The following CCT3 variants were observed in gnomAD, a reference collection of about 807,000 sequenced individuals.
CCT3 encodes the protein T-complex protein 1 subunit gamma.
CCT3 carries 10 observed loss-of-function variants against 65.3 expected under a neutral mutation model. The ratio of observed to expected loss-of-function variants is 0.15; its 90% CI spans 0.09 to 0.26. CCT3 has a LOEUF of 0.26. CCT3 is among the 10% of genes least tolerant of loss of function. The pLI, the probability that CCT3 is intolerant of heterozygous loss-of-function variation, is 1.00. For missense variants in CCT3, 626 were observed against 708.7 expected (o/e 0.88, Z 1.33); for synonymous variants, 225 against 242.3 (o/e 0.93, Z 0.66).
chr1:156,319,912 T>C (rs1270081496), intron 7 of CCT3, among the ~76,000 whole-genome samples: 1 of 152,156 alleles, frequency 6.6e-6, no homozygotes, highest in East Asian at 1.9e-4. Context: ...TTGTTAAGCT[T>C]ATATCCTGAC....
intron 10 of CCT3, among the ~76,000 whole-genome samples, chr1:156,314,249 G>C (rs1664213272): frequency 6.6e-6 from 1 of 152,080 alleles, no homozygotes; most frequent in Non-Finnish European, 1.5e-5. Context: ...GGAGCAAACT[G>C]TGTCCAGATG....
chr1:156,338,061 C>G, intron 1 of CCT3, 93 bp downstream of exon 1: 1 of 1,373,528 alleles, frequency 7.3e-7, no homozygotes, highest in South Asian at 1.2e-5. Flanking sequence ...CTCAGTGGCC[C>G]GGTCAGTGGG....
chr1:156,312,175 C>T lies in CCT3; in HGVS notation c.1021G>A (p.Asp341Asn). 1 of 1,614,114 alleles carries T rather than the reference C, an allele frequency of 6.2e-7. No individual in the cohort carries two copies. The highest frequency in any genetic ancestry group is 8.5e-7 in the Non-Finnish European group (1 of 1,180,000). The change falls in exon 11 of 14, where the codon GAT becomes AAT. Residue 341 changes from aspartate to asparagine, a missense_variant. Transcript: ENST00000295688. ...IVSRPEELREDDVGTGAGLLE... is the reference protein window; with the variant it reads ...IVSRPEELRENDVGTGAGLLE... ...AGGCCTGCTCCTGTTCCAACATCATCTTCTCTCAGTTCCTCTGGTCGGCTG... is the reference window on the plus strand; with the variant it reads ...AGGCCTGCTCCTGTTCCAACATCATTTTCTCTCAGTTCCTCTGGTCGGCTG...
At chr1:156,315,831 A>G (rs1184205717) in intron 10 of CCT3, among the ~76,000 whole-genome samples, 1 of 152,212 alleles carries the variant, frequency 6.6e-6, no homozygotes, top group Non-Finnish European at 1.5e-5. Flanking sequence ...GTTCTCATGC[A>G]TATCTAACAT....
chr1:156,337,319 G>C (rs1043219948), intron 1 of CCT3: 1 of 273,734 alleles, frequency 3.7e-6, no homozygotes, highest in South Asian at 2.8e-5. Context: ...AAGGCAGGAG[G>C]ATCGCTTGAA....
At chr1:156,323,143 C>T (rs1402848760) in intron 6 of CCT3, among the ~76,000 whole-genome samples, 2 of 152,018 alleles carry the variant, frequency 1.3e-5, no homozygotes, top group African/African-American at 4.8e-5. Context: ...CCTGTCTCTA[C>T]TAAAAATACA....
At chr1:156,324,915 C>G in intron 6 of CCT3, 57 bp downstream of exon 6, 1 of 1,179,550 alleles carries the variant, frequency 8.5e-7, no homozygotes, top group Non-Finnish European at 1.3e-6. Context: ...CCATGAGCCA[C>G]CACGTCTAGC....
intron 10 of CCT3, among the ~76,000 whole-genome samples, chr1:156,312,543 C>T (rs1440848402): frequency 6.6e-6 from 1 of 151,982 alleles, no homozygotes; most frequent in Non-Finnish European, 1.5e-5. Flanking sequence ...CCTGTAGCTC[C>T]AGCTACTCAG....
At chr1:156,337,177 G>A (rs1432752061) in intron 1 of CCT3, 3 of 722,136 alleles carry the variant, frequency 4.2e-6, no homozygotes, top group Non-Finnish European at 6.1e-6. Context: ...GGCCGAGGTG[G>A]GCGGATCACC....
At chr1:156,321,266 A>T (rs1570922722) in intron 6 of CCT3, among the ~76,000 whole-genome samples, 1 of 152,340 alleles carries the variant, frequency 6.6e-6, no homozygotes, top group Middle Eastern at 3.4e-3. Context: ...TTACACTTAC[A>T]TACAAAGATT....
chr1:156,314,683 C>T (rs1664234639), intron 10 of CCT3, among the ~76,000 whole-genome samples: 1 of 151,972 alleles, frequency 6.6e-6, no homozygotes, highest in Non-Finnish European at 1.5e-5. Flanking sequence ...CACTGCACTC[C>T]AGCGTGGGCG....
intron 5 of CCT3, among the ~76,000 whole-genome samples, chr1:156,327,821 G>A (rs1664893684): frequency 6.7e-6 from 1 of 150,340 alleles, no homozygotes; most frequent in South Asian, 2.1e-4. Context: ...CTGCCCGGCC[G>A]CCATCCCATC....
In CCT3 at chr1:156,317,147, T is replaced by G; in HGVS notation, c.974+19A>C. On this transcript the variant is annotated intron_variant, in intron 10 of 13. Transcript: ENST00000295688. ...AAACACACGGGAAGAAAAGTCTTGT[T>G]TTTACCTGGCCTACTCACCTAGCAA... is the stretch of plus-strand genomic sequence containing the variant. 1 of 1,608,234 alleles carries G rather than the reference T, an allele frequency of 6.2e-7. No homozygotes were observed.
At chr1:156,333,487 A>C (rs1665199878) in intron 5 of CCT3, 60 bp downstream of exon 5, 1 of 1,210,872 alleles carries the variant, frequency 8.3e-7, no homozygotes, top group Non-Finnish European at 1.2e-6. Context: ...TTTCCTTCTT[A>C]AAATATGACA....
At chr1:156,323,162 CG>C (rs1257520152) in intron 6 of CCT3, among the ~76,000 whole-genome samples, 3 of 151,720 alleles carry the variant, frequency 2.0e-5, no homozygotes, top group Non-Finnish European at 4.4e-5. Flanking sequence ...CAAAATTAGC[CG>C]GATGTGGATG....
At chr1:156,311,416 G>C (rs141330683) in intron 11 of CCT3, among the ~76,000 whole-genome samples, 7 of 152,290 alleles carry the variant, frequency 4.6e-5, no homozygotes, top group Non-Finnish European at 7.4e-5. Flanking sequence ...CAAAGGGTTT[G>C]GGGGTGTCAC....
In CCT3 at chr1:156,319,091, T is replaced by C. The variant is rs112407345; in HGVS notation, c.610-74A>G. 326 of 1,387,016 alleles carry C rather than the reference T, an allele frequency of 2.4e-4. 1 individual carries two copies. In the African/African-American group the frequency reaches 4.3e-3, roughly 18 times the overall value. The allele number at this position is 1,387,016 out of a possible 1,614,324, so 85.9% of individuals were successfully genotyped here. Reference sequence around the variant, plus strand: ...TTAATTTCCTTCCCAGATGTTCATCTTTCCCAAACAGCTAGTGTTTCAGGT... The same window carrying C: ...TTAATTTCCTTCCCAGATGTTCATCCTTCCCAAACAGCTAGTGTTTCAGGT... On this transcript the variant is annotated intron_variant, in intron 7 of 13. Coordinates refer to ENST00000295688, the MANE Select transcript of CCT3 (RefSeq NM_005998.5).
Position 156,338,210 on chromosome 1 carries a change from C to G in CCT3, c.-26G>C, listed in dbSNP as rs1464708165. 6.3e-7 allele frequency: 1 copy of G among 1,581,120 alleles called. No homozygotes were observed. Among genetic ancestry groups the G allele is most frequent in the Non-Finnish European group, 8.6e-7 (1 of 1,165,002 alleles). ...GGCGACGCGATGCAGAGCCGGGTAC[C>G]CAGAGCTGGGGGAACCGGCAGAACC... On this transcript the variant is annotated 5_prime_UTR_variant, in exon 1 of 14. Transcript: ENST00000295688.
chr1:156,330,641 T>C (rs1224940153), intron 5 of CCT3, among the ~76,000 whole-genome samples: 1 of 151,756 alleles, frequency 6.6e-6, no homozygotes, highest in African/African-American at 2.4e-5. Context: ...TAGCTTGGGC[T>C]ACAGAGTGAG....
Sources: allele counts gnomAD v4.1 joint callset (sites outside exome capture counted in the v4.1 genomes callset), GRCh38; gene constraint gnomAD v4.1.1; transcripts MANE v1.5; gene names NCBI Gene and HGNC (gene_info 2026-07-23, HGNC 2026-07-21).